The following HNRNPLL variants were observed in gnomAD, a reference collection of about 807,000 sequenced individuals.
HNRNPLL encodes heterogeneous nuclear ribonucleoprotein L like.
Under a neutral mutation model 67.1 loss-of-function variants are expected in HNRNPLL, and 25 were observed. The ratio of observed to expected loss-of-function variants is 0.37; its 90% confidence interval spans 0.27 to 0.52. HNRNPLL has a LOEUF of 0.52. Among genes scored for constraint, HNRNPLL ranks in the 20% least tolerant of loss-of-function variants. The pLI, the probability that HNRNPLL is intolerant of heterozygous loss-of-function variation, is 0.90. For missense variants in HNRNPLL, 542 were observed against 673.9 expected (o/e 0.80, Z 2.17); for synonymous variants, 267 against 241.7 (o/e 1.10, Z -0.97).
chr2:38,585,791 A>C lies in HNRNPLL; in HGVS notation c.399T>G (p.Asp133Glu). Reference sequence around the variant, plus strand: ...GTTGACCAGCAATGTACACGGGTTCATCTGCAGCAAATGTCACACATTCTT... The same window carrying C: ...GTTGACCAGCAATGTACACGGGTTCCTCTGCAGCAAATGTCACACATTCTT... ...SAKECVTFAADEPVYIAGQQA... is the reference protein window; with the variant it reads ...SAKECVTFAAEEPVYIAGQQA... Residue 133 changes from aspartate (D) to glutamate (E), a missense_variant, in exon 3 of 13, where the codon GAT becomes GAG. By Grantham distance (45) the Asp-to-Glu change is conservative. Coordinates refer to ENST00000449105, the MANE Select transcript of HNRNPLL (RefSeq NM_138394.4). 1 of 1,613,984 alleles carries C rather than the reference A, an allele frequency of 6.2e-7. No homozygotes were observed.
At chr2:38,601,098 A>AATTTC in intron 1 of HNRNPLL, among the ~76,000 whole-genome samples, 1 of 152,222 alleles carries the variant, frequency 6.6e-6, no homozygotes, top group South Asian at 2.1e-4. Context: ...TTTGAACTGA[A>AATTTC]ACTTCCTAAG....
chr2:38,595,454 T>C (rs1667142060), intron 1 of HNRNPLL, among the ~76,000 whole-genome samples: 2 of 151,988 alleles, frequency 1.3e-5, no homozygotes, highest in South Asian at 4.1e-4. Context: ...ATACAATCGA[T>C]TTTTAAATCT....
intron 8 of HNRNPLL, among the ~76,000 whole-genome samples, chr2:38,570,619 GA>G (rs1359303729): frequency 1.3e-5 from 2 of 152,194 alleles, no homozygotes; most frequent in Non-Finnish European, 2.9e-5. Flanking sequence ...GTAAGGGTTA[GA>G]AGGTATGAAG....
In HNRNPLL at chr2:38,582,096, G is replaced by C; in HGVS notation, c.705C>G (p.Cys235Trp). ...CCCGTGCATATTCAATTTTTAGTGTGCAACATCCAGCATATATATCAGCTC... is the reference window on the plus strand; with the variant it reads ...CCCGTGCATATTCAATTTTTAGTGTCCAACATCCAGCATATATATCAGCTC... Reference protein sequence around the residue: ...LNGADIYAGCCTLKIEYARPT... With the variant: ...LNGADIYAGCWTLKIEYARPT... Residue 235 changes from cysteine (C) to tryptophan (W), a missense_variant, in exon 5 of 13, where the codon TGC (cysteine) becomes TGG (tryptophan). Around this residue, in one of 2 missense-constraint regions of HNRNPLL, gnomAD observed 415 missense variants for 575.2 expected, o/e 0.72. Coordinates refer to ENST00000449105, the MANE Select transcript of HNRNPLL (RefSeq NM_138394.4). 6.2e-7 allele frequency: 1 copy of C among 1,613,614 alleles called. No individual in the cohort carries two copies. Among genetic ancestry groups the C allele is most frequent in the Non-Finnish European group, 8.5e-7 (1 of 1,179,570 alleles).
At chr2:38,565,390 T>G (rs1216938186) in intron 12 of HNRNPLL, among the ~76,000 whole-genome samples, 1 of 152,098 alleles carries the variant, frequency 6.6e-6, no homozygotes, top group East Asian at 1.9e-4. Context: ...AAAATTTCCT[T>G]TTTTTTCTTT....
intron 4 of HNRNPLL, among the ~76,000 whole-genome samples, chr2:38,583,179 T>G (rs1240567489): frequency 2.0e-5 from 3 of 152,148 alleles, no homozygotes; most frequent in Non-Finnish European, 4.4e-5. Context: ...AAAAATTACT[T>G]AAGTCCATAA....
rs138717709 is a variant in HNRNPLL, at chr2:38,598,267, G to A, written c.189+4171C>T. ...GGATAAATACGGGCTGGGAAAGAGAGGATGCTCTTTAGCTGCTAGCTATAA... is the reference window on the plus strand; with the variant it reads ...GGATAAATACGGGCTGGGAAAGAGAAGATGCTCTTTAGCTGCTAGCTATAA... On this transcript the variant is annotated intron_variant, in intron 1 of 12. Coordinates refer to ENST00000449105, the MANE Select transcript of HNRNPLL (RefSeq NM_138394.4). Among the ~76,000 whole-genome samples, 915 of 152,246 alleles carry A rather than the reference G, an allele frequency of 6.0e-3. 6 individuals are homozygous for A. The highest frequency in any genetic ancestry group is 0.021 in the African/African-American group (871 of 41,534).
At chr2:38,585,559 G>A (rs1342256959) in intron 3 of HNRNPLL, 85 bp downstream of exon 3, 20 of 773,218 alleles carry the variant, frequency 2.6e-5, no homozygotes, top group East Asian at 1.2e-4. Flanking sequence ...GTATCTAGAT[G>A]GCAATGAAAA....
At chr2:38,581,819 G>C in intron 6 of HNRNPLL, 94 bp downstream of exon 6, 2 of 818,966 alleles carry the variant, frequency 2.4e-6, no homozygotes, top group East Asian at 4.9e-5. Flanking sequence ...GTTTTCATTT[G>C]AATTAACTAG....
intron 1 of HNRNPLL, among the ~76,000 whole-genome samples, chr2:38,598,954 C>A (rs544184626): frequency 6.6e-6 from 1 of 152,358 alleles, no homozygotes; most frequent in African/African-American, 2.4e-5. Context: ...CCTTTAACTA[C>A]TTTATTTCCA....
At chr2:38,594,585 T>C (rs1388703492) in intron 1 of HNRNPLL, among the ~76,000 whole-genome samples, 1 of 152,228 alleles carries the variant, frequency 6.6e-6, no homozygotes, top group Admixed American at 6.5e-5. Context: ...TTGAACATTT[T>C]ATATAATAAA....
chr2:38,598,515 A>C (rs1218163429), intron 1 of HNRNPLL, among the ~76,000 whole-genome samples: 2 of 152,226 alleles, frequency 1.3e-5, no homozygotes, highest in African/African-American at 4.8e-5. Flanking sequence ...GTAAGCCCTG[A>C]AAGTTGTGTT....
At chr2:38,566,986 T>C (rs576589772) in intron 12 of HNRNPLL, among the ~76,000 whole-genome samples, 1 of 152,268 alleles carries the variant, frequency 6.6e-6, no homozygotes, top group Admixed American at 6.5e-5. Context: ...TGACTATAAA[T>C]AGCTATCCTG....
rs564010123 is a variant in HNRNPLL at position 38,591,656 on chromosome 2, G to T, written c.190-8C>A. On this transcript the variant is annotated splice_region_variant and splice_polypyrimidine_tract_variant and intron_variant, in intron 1 of 12. Transcript: ENST00000449105. ...ATGACTTCCACCTGCCTCCTAGCAAGAGAAAATAATTTCTAGTTAAAAAAA... is the reference window on the plus strand; with the variant it reads ...ATGACTTCCACCTGCCTCCTAGCAATAGAAAATAATTTCTAGTTAAAAAAA... 6.3e-7 allele frequency: 1 copy of T among 1,587,780 alleles called. No homozygotes were observed. Among genetic ancestry groups the T allele is most frequent in the Admixed American group, 1.7e-5 (1 of 59,854 alleles).
chr2:38,588,286 A>C (rs979884719), intron 2 of HNRNPLL, among the ~76,000 whole-genome samples: 18 of 152,082 alleles, frequency 1.2e-4, no homozygotes, highest in African/African-American at 4.3e-4. Context: ...ACGGTGGCTC[A>C]TGCCTGTAAT....
chr2:38,586,460 C>G (rs892840195), intron 2 of HNRNPLL, among the ~76,000 whole-genome samples: 2 of 152,160 alleles, frequency 1.3e-5, no homozygotes, highest in African/African-American at 4.8e-5. Context: ...CCAGTTTATT[C>G]TTTGGGGTGC....
intron 1 of HNRNPLL, among the ~76,000 whole-genome samples, chr2:38,595,812 C>T (rs185008223): frequency 1.3e-5 from 2 of 152,142 alleles, no homozygotes; most frequent in Admixed American, 1.3e-4. Flanking sequence ...CCACTGCACT[C>T]CAGCCTGGGC....
rs974690335 is a variant in HNRNPLL, at chr2:38,562,296, T to C, written c.*1886A>G. The C allele has an allele frequency of 2.6e-5, 4 of 152,132 alleles. No homozygotes were observed. Among genetic ancestry groups the C allele is most frequent in the African/African-American group, 9.7e-5 (4 of 41,426 alleles). The allele number at this position is 152,132 out of a possible 1,614,324, so 9.4% of individuals were successfully genotyped here. On this transcript the variant is annotated 3_prime_UTR_variant, in exon 13 of 13. Coordinates refer to ENST00000449105, the MANE Select transcript of HNRNPLL (RefSeq NM_138394.4). ...CAGCAAGGCCCAACTTACCAACTAG[T>C]TTACTCCCAAACAATTCACTTATTT...
chr2:38,602,618 G>C lies in HNRNPLL; in HGVS notation c.9C>G (p.Ser3=). 7 of 1,546,950 alleles carry C rather than the reference G, an allele frequency of 4.5e-6. No homozygotes were observed. Among genetic ancestry groups the C allele is most frequent in the Non-Finnish European group, 6.1e-6 (7 of 1,151,450 alleles). MS[S]SSSSPRETYE... is the part of the protein sequence containing the mutation. ...ACGTCTCCCTGGGGGAGGAAGAGGA[G>C]GAGGACATGGCGGCGGCCGGAGGGA... The change falls in exon 1 of 13, where the codon TCC becomes TCG. Residue 3 remains serine (S), a synonymous_variant. Transcript: ENST00000449105.
Sources: allele counts gnomAD v4.1 joint callset (sites outside exome capture counted in the v4.1 genomes callset), GRCh38; gene constraint gnomAD v4.1.1; regional missense constraint gnomAD v4.1.1; transcripts MANE v1.5; gene names NCBI Gene and HGNC (gene_info 2026-07-23, HGNC 2026-07-21).